Variants in ANKRD44 observed in about 807,000 individuals in gnomAD.
The protein encoded by ANKRD44 is serine/threonine-protein phosphatase 6 regulatory ankyrin repeat subunit B.
A neutral mutation model predicts 116.0 loss-of-function variants in ANKRD44; 35 were observed. That is an observed-to-expected ratio of 0.30 (90% CI 0.23 to 0.40). ANKRD44 has a LOEUF of 0.40. Ranked by LOEUF, ANKRD44 falls within the 10% of genes least tolerant of loss-of-function variation. The pLI is 1.00. For missense variants in ANKRD44, 1,014 were observed against 1,242.6 expected, an observed-to-expected ratio of 0.82 and a Z score of 2.77; for synonymous variants, 435 against 461.8, an observed-to-expected ratio of 0.94 and a Z score of 0.74.
chr2:197,067,240 G>A (rs1410667216), intron 16 of ANKRD44, among the ~76,000 whole-genome samples: 1 of 151,946 alleles, frequency 6.6e-6, no homozygotes, highest in Non-Finnish European at 1.5e-5. Context: ...TATGTAGAAA[G>A]CTGAAACTGG....
chr2:197,281,944 T>G (rs920504248), intron 1 of ANKRD44, among the ~76,000 whole-genome samples: 1 of 152,124 alleles, frequency 6.6e-6, no homozygotes, highest in Non-Finnish European at 1.5e-5. Flanking sequence ...CCACGTAAGA[T>G]GATTCTGGTA....
intron 16 of ANKRD44, among the ~76,000 whole-genome samples, chr2:197,057,607 C>T (rs1180862745): frequency 1.3e-5 from 2 of 152,154 alleles, no homozygotes; most frequent in Non-Finnish European, 2.9e-5. Context: ...GGTATGGTGG[C>T]TCTTATCTGT....
chr2:197,013,770 A>G, intron 17 of ANKRD44, 58 bp from the exon 18 acceptor site: 1 of 1,583,150 alleles, frequency 6.3e-7, no homozygotes, highest in Non-Finnish European at 8.7e-7. Flanking sequence ...ATCCCGCCAC[A>G]GTCCACAGGA....
chr2:197,271,150 A>T (rs1209542671), intron 1 of ANKRD44, among the ~76,000 whole-genome samples: 2 of 152,216 alleles, frequency 1.3e-5, no homozygotes, highest in Non-Finnish European at 2.9e-5. Context: ...GCTGGTCTGG[A>T]CACACAAAAA....
intron 16 of ANKRD44, among the ~76,000 whole-genome samples, chr2:197,048,938 A>G (rs972194216): frequency 1.3e-5 from 2 of 152,200 alleles, no homozygotes; most frequent in Non-Finnish European, 2.9e-5. Flanking sequence ...ATGACCAGTG[A>G]TGATGAGCAT....
intron 9 of ANKRD44, among the ~76,000 whole-genome samples, chr2:197,109,288 C>T (rs1415476588): frequency 1.3e-5 from 2 of 152,192 alleles, no homozygotes; most frequent in African/African-American, 2.4e-5. Flanking sequence ...CCCCCGACCC[C>T]CTTTATTTAC....
chr2:197,087,833 G>T (rs973830326), intron 12 of ANKRD44, among the ~76,000 whole-genome samples: 4 of 152,104 alleles, frequency 2.6e-5, no homozygotes, highest in African/African-American at 9.7e-5. Context: ...CAATTTGGGG[G>T]CTGAGGTAGG....
At chr2:197,100,393 C>A (rs1038029031) in intron 9 of ANKRD44, among the ~76,000 whole-genome samples, 2 of 152,104 alleles carry the variant, frequency 1.3e-5, no homozygotes, top group African/African-American at 4.8e-5. Context: ...CAAGATCGCA[C>A]CACTGCACTC....
chr2:197,217,742 C>A (rs2081482733), intron 1 of ANKRD44, among the ~76,000 whole-genome samples: 1 of 152,150 alleles, frequency 6.6e-6, no homozygotes, highest in Non-Finnish European at 1.5e-5. Context: ...AGTATGAGAG[C>A]CTCATTTAAC....
Position 197,089,955 on chromosome 2 carries a change from G to A in ANKRD44, c.1178C>T (p.Ser393Leu). The change falls in exon 11 of 28, where the codon TCA becomes TTA. Residue 393 changes from serine to leucine, a missense_variant. By Grantham distance (145) the Ser-to-Leu change is moderately radical. Transcript: ENST00000282272. ...CTGCTAACAGATTTACTTACCCGAT[G>A]ATAACAACTTTCTGCAGCAGTCAGA... Reference protein sequence around the residue: ...AHSDCCRKLLSSGFEIDTPDK... With the variant: ...AHSDCCRKLLLSGFEIDTPDK... The A allele has an allele frequency of 1.2e-6, 2 of 1,613,784 alleles. No homozygotes were observed. Among genetic ancestry groups the A allele is most frequent in the Non-Finnish European group, 1.7e-6 (2 of 1,179,738 alleles).
intron 1 of ANKRD44, among the ~76,000 whole-genome samples, chr2:197,199,479 A>C (rs546192019): frequency 3.9e-5 from 6 of 152,374 alleles, no homozygotes; most frequent in African/African-American, 1.4e-4. Flanking sequence ...AAAAACAGAT[A>C]AAGAAAAAAC....
At chr2:197,136,733 C>G in intron 3 of ANKRD44, 71 bp from the exon 4 acceptor site, 1 of 1,310,682 alleles carries the variant, frequency 7.6e-7, no homozygotes, top group Non-Finnish European at 1.1e-6. Context: ...AAATCAAATG[C>G]TGTATCTTGC....
rs190356285 is a variant in ANKRD44 at position 197,123,377 on chromosome 2, G to A, written c.551-585C>T. Among the ~76,000 whole-genome samples the A allele has an allele frequency of 6.2e-4, 94 of 152,290 alleles. 7 individuals carry two copies. The highest frequency in any genetic ancestry group is 5.0e-3 in the East Asian group (26 of 5,190). On this transcript the variant is annotated intron_variant, in intron 6 of 27. Transcript: ENST00000282272. ...GAAAACCCTTCTAGTTTTAGCTCCT[G>A]TTAGCATTTTTTTCTACAATATTTT...
intron 2 of ANKRD44, among the ~76,000 whole-genome samples, chr2:197,150,739 C>G (rs2079624155): frequency 1.3e-5 from 2 of 152,026 alleles, no homozygotes; most frequent in African/African-American, 4.8e-5. Flanking sequence ...AGAACCAAAG[C>G]CGCAGGCACA....
At chr2:197,274,660 C>T (rs1294604628) in intron 1 of ANKRD44, among the ~76,000 whole-genome samples, 1 of 152,194 alleles carries the variant, frequency 6.6e-6, no homozygotes, top group African/African-American at 2.4e-5. Context: ...TGGTCCCTAA[C>T]GAGCATCTCA....
At chr2:196,996,445 T>C (rs1456284342) in intron 25 of ANKRD44, among the ~76,000 whole-genome samples, 1 of 152,152 alleles carries the variant, frequency 6.6e-6, no homozygotes, top group Non-Finnish European at 1.5e-5. Context: ...TTTAACTACA[T>C]TGAAATAAAT....
chr2:197,088,343 C>A (rs983409916), intron 12 of ANKRD44, among the ~76,000 whole-genome samples: 2 of 152,106 alleles, frequency 1.3e-5, no homozygotes, highest in African/African-American at 4.8e-5. Context: ...ATCTTTGATT[C>A]TCTTGATTAT....
Position 197,252,465 on chromosome 2 carries a change from A to G in ANKRD44, c.27+58113T>C, listed in dbSNP as rs536988301. Among the ~76,000 whole-genome samples the G allele has an allele frequency of 1.3e-4, 20 of 151,884 alleles. No homozygotes were observed. The South Asian group carries it at 3.3e-3, about 25-fold the overall frequency. ...TCTGTCGCCCAGGCTGGAGCGCAGT[A>G]GCGCGATCTCGGCTCACTGCAAGCT... On this transcript the variant is annotated intron_variant, in intron 1 of 27. Coordinates refer to ENST00000282272, the MANE Select transcript of ANKRD44 (RefSeq NM_001195144.2).
chr2:197,153,439 A>G (rs1266713863), intron 2 of ANKRD44, among the ~76,000 whole-genome samples: 1 of 151,966 alleles, frequency 6.6e-6, no homozygotes, highest in Non-Finnish European at 1.5e-5. Context: ...GTCTAAAGAA[A>G]CTCTGAACAC....
Sources: allele counts gnomAD v4.1 joint callset (sites outside exome capture counted in the v4.1 genomes callset), GRCh38; gene constraint gnomAD v4.1.1; transcripts MANE v1.5; gene names NCBI Gene and HGNC (gene_info 2026-07-23, HGNC 2026-07-21).